The following SPOP variants were observed in gnomAD, a reference collection of about 807,000 sequenced individuals.
The protein encoded by SPOP is speckle type BTB/POZ protein.
A neutral mutation model predicts 45.6 loss-of-function variants in SPOP; 11 were observed. The observed-to-expected ratio is 0.24, with a 90% CI of 0.15 to 0.40. SPOP has a LOEUF of 0.40. SPOP is among the 10% of genes least tolerant of loss of function. The probability of loss-of-function intolerance (pLI) is 1.00; values close to 1 mark genes in which losing one functional copy is unlikely to be tolerated. For missense variants in SPOP, 152 were observed against 465.6 expected (o/e 0.33, Z 6.20); for synonymous variants, 166 against 166.3 (o/e 1.00, Z 0.01).
At chr17:49,627,423 T>G (rs1240579418) in intron 1 of SPOP, among the ~76,000 whole-genome samples, 1 of 152,188 alleles carries the variant, frequency 6.6e-6, no homozygotes, top group African/African-American at 2.4e-5. Flanking sequence ...AAATCCCAAT[T>G]ATCATTAATG....
intron 1 of SPOP, among the ~76,000 whole-genome samples, chr17:49,648,939 A>T (rs1197438350): frequency 6.6e-6 from 1 of 151,964 alleles, no homozygotes; most frequent in African/African-American, 2.4e-5. Flanking sequence ...TTGTATTTTT[A>T]GTAGAGACGG....
intron 3 of SPOP, among the ~76,000 whole-genome samples, chr17:49,621,281 T>C (rs963974842): frequency 2.0e-5 from 3 of 152,232 alleles, no homozygotes; most frequent in African/African-American, 7.2e-5. Context: ...TAGTAGATTA[T>C]ACCCATTGGT....
Position 49,671,694 on chromosome 17 carries a change from C to A in SPOP, c.-67+6239G>T, listed in dbSNP as rs141230953. On this transcript the variant is annotated intron_variant, in intron 1 of 9. Transcript: ENST00000504102. The stretch of plus-strand genomic sequence containing the variant: ...TTAAAGAAAAAAAATTAAGAATTTA[C>A]CTCAATTTTTTAGTAGAAATTATAA... Among the ~76,000 whole-genome samples the A allele has an allele frequency of 2.2e-3, 329 of 152,222 alleles. 3 individuals are homozygous for A. The highest frequency in any genetic ancestry group is 0.014 in the Admixed American group (211 of 15,292).
chr17:49,665,704 C>T (rs1005830371), intron 1 of SPOP, among the ~76,000 whole-genome samples: 1 of 118,570 alleles, frequency 8.4e-6, no homozygotes, highest in African/African-American at 2.8e-5. Context: ...ACCAATCTGG[C>T]CAGGTGCGAT....
chr17:49,651,746 C>T (rs1355036399), intron 1 of SPOP, among the ~76,000 whole-genome samples: 2 of 152,164 alleles, frequency 1.3e-5, no homozygotes, highest in African/African-American at 2.4e-5. Context: ...AGGCCCAACA[C>T]GATGGCTCAT....
intron 3 of SPOP, 50 bp downstream of exon 3, chr17:49,621,896 A>G (rs763407485): frequency 5.6e-6 from 9 of 1,600,974 alleles, no homozygotes; most frequent in Admixed American, 5.1e-5. Flanking sequence ...AAACCAAACA[A>G]AACAGACAAC....
chr17:49,618,970 C>A lies in SPOP; in HGVS notation c.480+11G>T, dbSNP rs2072150677. The stretch of plus-strand genomic sequence containing the variant: ...GGGAACTGCTAGTCTCAGCAGAATA[C>A]AAGGACTCACCTCGCAGAAGAGGGT... On this transcript the variant is annotated intron_variant, in intron 5 of 9. Coordinates refer to ENST00000504102, the MANE Select transcript of SPOP (RefSeq NM_001007228.2). 7 of 1,610,946 alleles carry A rather than the reference C, an allele frequency of 4.3e-6. No individual in the cohort carries two copies. Among genetic ancestry groups the A allele is most frequent in the Non-Finnish European group, 5.9e-6 (7 of 1,178,708 alleles).
intron 1 of SPOP, among the ~76,000 whole-genome samples, chr17:49,624,331 G>GCACACACACA (rs58009760): frequency 5.7e-4 from 85 of 149,304 alleles, no homozygotes; most frequent in African/African-American, 1.5e-3. Flanking sequence ...GCGCGCGCGC[G>GCACACACACA]CACACACACA....
At chr17:49,676,735 C>T (rs560497257) in intron 1 of SPOP, among the ~76,000 whole-genome samples, 47 of 152,274 alleles carry the variant, frequency 3.1e-4, no homozygotes, top group Non-Finnish European at 6.2e-4. Context: ...CTTTTCTTCA[C>T]TCTGTTTTGA....
chr17:49,640,723 A>C lies in SPOP; in HGVS notation c.-66-17847T>G, dbSNP rs73333379. 2.9e-3 allele frequency among the ~76,000 whole-genome samples: 443 copies of C among 152,262 alleles called. 3 individuals carry two copies. The highest frequency in any genetic ancestry group is 0.01 in the African/African-American group (432 of 41,554). ...TACAATGGCCAAAAGGGTCCTGCAC[A>C]ATCTGGACTTGATTACCTCTCTGGC... On this transcript the variant is annotated intron_variant, in intron 1 of 9. Transcript: ENST00000504102.
intron 1 of SPOP, among the ~76,000 whole-genome samples, chr17:49,655,815 A>G (rs940038068): frequency 2.0e-5 from 3 of 152,116 alleles, no homozygotes; most frequent in African/African-American, 7.2e-5. Flanking sequence ...TCGAATGAAA[A>G]AAATTTTTTT....
At chr17:49,604,570 A>G (rs2071800659) in intron 8 of SPOP, among the ~76,000 whole-genome samples, 2 of 152,104 alleles carry the variant, frequency 1.3e-5, no homozygotes, top group South Asian at 2.1e-4. Flanking sequence ...TTTCCCTCCA[A>G]TGGGTATTGC....
At position 49,611,345 on chromosome 17, in the gene SPOP, C is replaced by T. The variant is rs779385564; in HGVS notation, c.593G>A (p.Arg198Gln). 4.3e-6 allele frequency: 7 copies of T among 1,614,044 alleles called. No homozygotes were observed. The highest frequency in any genetic ancestry group is 5.9e-6 in the Non-Finnish European group (7 of 1,180,026). ...AACACACAAGCAGCAGTCTGTGAACCGGGAATTCTCCCACAGTCCTCCTAA... is the reference window on the plus strand; with the variant it reads ...AACACACAAGCAGCAGTCTGTGAACTGGGAATTCTCCCACAGTCCTCCTAA... Reference protein sequence around the residue: ...DELGGLWENSRFTDCCLCVAG... With the variant: ...DELGGLWENSQFTDCCLCVAG... Residue 198 changes from arginine (R) to glutamine (Q), a missense_variant, in exon 6 of 10, where the codon CGG becomes CAG. By Grantham distance (43) the Arg-to-Gln change is conservative (BLOSUM62 1). Around this residue, in one of 3 missense-constraint regions of SPOP, gnomAD observed 106 missense variants for 255.2 expected, o/e 0.42. Transcript: ENST00000504102.
intron 6 of SPOP, among the ~76,000 whole-genome samples, chr17:49,608,714 A>C (rs1184784809): frequency 2.0e-5 from 3 of 152,190 alleles, no homozygotes. Context: ...AAAGTAATAG[A>C]ATGGCTAAGA....
intron 1 of SPOP, among the ~76,000 whole-genome samples, chr17:49,629,233 C>T (rs1597939743): frequency 6.6e-6 from 1 of 151,584 alleles, no homozygotes; most frequent in Non-Finnish European, 1.5e-5. Context: ...CAGCAAGACT[C>T]TATCTCAAAA....
chr17:49,632,194 G>A (rs946693371), intron 1 of SPOP, among the ~76,000 whole-genome samples: 2 of 152,078 alleles, frequency 1.3e-5, no homozygotes, highest in African/African-American at 2.4e-5. Context: ...AGGAATCCAG[G>A]CATACTTTTA....
At chr17:49,653,058 G>A (rs552482773) in intron 1 of SPOP, among the ~76,000 whole-genome samples, 13 of 152,184 alleles carry the variant, frequency 8.5e-5, no homozygotes, top group African/African-American at 2.9e-4. Context: ...GAATTCTAGT[G>A]CAGGCTTGAA....
At chr17:49,638,312 G>A (rs2072580631) in intron 1 of SPOP, among the ~76,000 whole-genome samples, 2 of 152,146 alleles carry the variant, frequency 1.3e-5, no homozygotes, top group South Asian at 4.1e-4. Context: ...AATCTCGGCT[G>A]GGCACAGTGG....
rs190816680 is a variant in SPOP at position 49,666,593 on chromosome 17, C to T, written c.-67+11340G>A. Among the ~76,000 whole-genome samples the T allele has an allele frequency of 4.2e-3, 631 of 152,024 alleles. 3 individuals are homozygous for T. The highest frequency in any genetic ancestry group is 6.2e-3 in the Non-Finnish European group (420 of 67,964). ...CTGTAATCCCAGTACTTTGAAAGGC[C>T]GAGGCAGGCAGATCACTTGAGGTCA... is the stretch of plus-strand genomic sequence containing the variant. On this transcript the variant is annotated intron_variant, in intron 1 of 9. Transcript: ENST00000504102.
Sources: allele counts gnomAD v4.1 joint callset (sites outside exome capture counted in the v4.1 genomes callset), GRCh38; gene constraint gnomAD v4.1.1; regional missense constraint gnomAD v4.1.1; transcripts MANE v1.5; gene names NCBI Gene and HGNC (gene_info 2026-07-23, HGNC 2026-07-21).